Variants in CFAP92 observed in about 807,000 individuals in gnomAD.
CFAP92 encodes cilia and flagella associated protein 92 (putative), also known as uncharacterized protein CFAP92.
A neutral mutation model predicts 106.3 loss-of-function variants in CFAP92; 86 were observed. That is an observed-to-expected ratio of 0.81 (90% CI 0.68 to 0.97). The LOEUF (loss-of-function observed/expected upper bound fraction) is 0.97. Ranked by LOEUF, CFAP92 falls within the 50% of genes least tolerant of loss-of-function variation. CFAP92 has a pLI of 0.00. For missense variants in CFAP92, 1,204 were observed against 1,283.8 expected, an observed-to-expected ratio of 0.94 and a Z score of 0.95; for synonymous variants, 477 against 506.4, an observed-to-expected ratio of 0.94 and a Z score of 0.78.
intron 8 of CFAP92, chr3:128,969,181 C>T (rs1322886774): frequency 6.6e-6 from 1 of 152,016 alleles, no homozygotes; most frequent in African/African-American, 2.4e-5. Flanking sequence ...GCCCCCAAAA[C>T]ATTGCTCTTA....
intron 15 of CFAP92, among the ~76,000 whole-genome samples, chr3:128,913,942 G>T (rs1330661389): frequency 1.3e-5 from 2 of 152,084 alleles, no homozygotes; most frequent in Non-Finnish European, 2.9e-5. Flanking sequence ...TTCTGGAAGG[G>T]GGCTTCACTC....
At position 128,953,612 on chromosome 3, in the gene CFAP92, TCCCTCTCCCTCC is replaced by T. The variant is rs1941056511; in HGVS notation, c.1354-7649_1354-7638del. Among the ~76,000 whole-genome samples the T allele has an allele frequency of 3.6e-5, 2 of 55,034 alleles. 1 individual carries two copies. The highest frequency in any genetic ancestry group is 1.8e-3 in the South Asian group (2 of 1,104). The allele number at this position is 55,034 out of a possible 152,430, so 36.1% of individuals were successfully genotyped here. ...CTCCCTCTCCCTCCCCCTCTCCCTC[TCCCTCTCCCTCC>T]CTCTCCGTCTCCCTCTCCCCACGGT... On this transcript the variant is annotated intron_variant, in intron 9 of 15. Coordinates refer to ENST00000645291, the MANE Select transcript of CFAP92 (RefSeq NM_001394090.1).
In CFAP92 at chr3:128,988,865, T is replaced by G. The variant is rs1385374241; in HGVS notation, c.316A>C (p.Thr106Pro). The change falls in exon 3 of 16, where the codon ACA becomes CCA. Residue 106 changes from threonine (T) to proline (P), a missense_variant. Transcript: ENST00000645291. The stretch of plus-strand genomic sequence containing the variant: ...CGCATCTTTGTAACAGAACTGTCTG[T>G]TTTAGGGTGTTTCTTATATTTTTCA... Reference protein sequence around the residue: ...LIEKYKKHPKTDSSVTKMRRF... With the variant: ...LIEKYKKHPKPDSSVTKMRRF... 6.2e-7 allele frequency: 1 copy of G among 1,613,572 alleles called. No individual in the cohort carries two copies. The highest frequency in any genetic ancestry group is 1.7e-5 in the Admixed American group (1 of 59,986).
intron 4 of CFAP92, among the ~76,000 whole-genome samples, chr3:128,982,205 A>G (rs1258146831): frequency 1.3e-5 from 2 of 152,242 alleles, no homozygotes; most frequent in Admixed American, 1.3e-4. Flanking sequence ...TGCCTTCATC[A>G]GTGATCTTAG....
At chr3:128,912,451 G>A (rs1936439332) in intron 15 of CFAP92, 2 of 1,529,502 alleles carry the variant, frequency 1.3e-6, no homozygotes, top group Non-Finnish European at 1.8e-6. Flanking sequence ...CTTCAGCCAT[G>A]TTTGTCTTAT....
chr3:128,911,625 A>G (rs1197984319), intron 15 of CFAP92, among the ~76,000 whole-genome samples: 1 of 150,714 alleles, frequency 6.6e-6, no homozygotes, highest in Non-Finnish European at 1.5e-5. Flanking sequence ...TTTAGTAGAA[A>G]CAAACAGGGT....
chr3:129,001,837 G>GCGCCGGCCGTCTGCCCCGCGC, intron 1 of CFAP92: 1 of 1,545,728 alleles, frequency 6.5e-7, no homozygotes, highest in Non-Finnish European at 8.7e-7. Flanking sequence ...GACTGCCGCG[G>GCGCCGGCCGTCTGCCCCGCGC]CGCCGGCCGT....
At chr3:129,014,840 CGAGGGGCCAGTGAG>C in the CFAP92 span, among the ~76,000 whole-genome samples, 7 of 152,088 alleles carry the variant, frequency 4.6e-5, no homozygotes, top group African/African-American at 7.2e-5. This position sits in a 1 kb window ranked among gnomAD's most constrained non-coding sequence, Gnocchi z 4.3. Flanking sequence ...GCCTGGATGC[CGAGGGGCCAGTGAG>C]GAGGGGCCAG....
In CFAP92 at chr3:128,932,999, T is replaced by A. The variant is rs1362734848; in HGVS notation, c.2454-2A>T. On this transcript the variant is annotated splice_acceptor_variant, in intron 11 of 15. Transcript: ENST00000645291. LOFTEE classifies it high-confidence loss of function. ...CTGTTATAGCAGATGTCGTGGATCC[T>A]GGAACAAAGAACCACTGCCCCACTG... The A allele has an allele frequency of 3.3e-6, 5 of 1,536,064 alleles. No individual in the cohort carries two copies. Among genetic ancestry groups the A allele is most frequent in the Middle Eastern group, 1.7e-4 (1 of 5,988 alleles).
intron 7 of CFAP92, among the ~76,000 whole-genome samples, chr3:128,972,239 ATTTC>A (rs940961942): frequency 1.9e-4 from 28 of 151,074 alleles, no homozygotes; most frequent in Non-Finnish European, 1.0e-4. Flanking sequence ...TGGATGAAGG[ATTTC>A]TTTCTTTTTT....
chr3:128,928,257 AAAAT>A (rs916560621), intron 12 of CFAP92, among the ~76,000 whole-genome samples: 47 of 152,354 alleles, frequency 3.1e-4, no homozygotes, highest in Admixed American at 1.4e-3. Flanking sequence ...CGTCCCAAAA[AAAAT>A]AAATAAACAA....
At chr3:129,025,716 T>C in the CFAP92 span, among the ~76,000 whole-genome samples, 1 of 152,052 alleles carries the variant, frequency 6.6e-6, no homozygotes, top group Non-Finnish European at 1.5e-5. Flanking sequence ...GGAGAAGCAG[T>C]TGAATACTGG....
At chr3:128,911,035 ATG>A (rs375679286) in intron 15 of CFAP92, among the ~76,000 whole-genome samples, 3 of 151,968 alleles carry the variant, frequency 2.0e-5, no homozygotes, top group African/African-American at 7.3e-5. Flanking sequence ...GTATGTATAT[ATG>A]TGTGTGTGTG....
chr3:128,996,484 G>A (rs80229783), upstream of CFAP92, among the ~76,000 whole-genome samples: 5,976 of 152,196 alleles, frequency 0.039, 297 homozygotes, highest in African/African-American at 0.11. Flanking sequence ...GGGCATCACA[G>A]GATGAAGTGA....
chr3:129,010,872 C>G, the CFAP92 span, among the ~76,000 whole-genome samples: 4 of 152,308 alleles, frequency 2.6e-5, no homozygotes, highest in African/African-American at 9.6e-5. This position sits in a 1 kb window ranked among gnomAD's most constrained non-coding sequence, Gnocchi z 4.3. Flanking sequence ...GCCCCAGGCC[C>G]TCAGGATGCA....
intron 10 of CFAP92, among the ~76,000 whole-genome samples, chr3:128,942,021 C>A (rs891517257): frequency 1.2e-4 from 19 of 152,144 alleles, no homozygotes; most frequent in Non-Finnish European, 2.8e-4. Flanking sequence ...AATTCATATA[C>A]TATCTGCCCA....
At chr3:128,936,464 T>C (rs62265296) in intron 10 of CFAP92, among the ~76,000 whole-genome samples, 8,070 of 152,268 alleles carry the variant, frequency 0.053, 451 homozygotes, top group African/African-American at 0.14. Context: ...GTTGAGCACA[T>C]GCATTGGGTC....
intron 12 of CFAP92, among the ~76,000 whole-genome samples, chr3:128,918,323 A>G (rs1162380270): frequency 6.6e-6 from 1 of 152,130 alleles, no homozygotes; most frequent in Non-Finnish European, 1.5e-5. Flanking sequence ...AAATACAAAA[A>G]TTAGCTGGGC....
intron 11 of CFAP92, among the ~76,000 whole-genome samples, chr3:128,934,860 G>C (rs1938811460): frequency 6.6e-6 from 1 of 152,078 alleles, no homozygotes; most frequent in African/African-American, 2.4e-5. Flanking sequence ...ACAAATTTTT[G>C]TGGAGATGAG....
Sources: gnomAD v4.1 joint callset for allele counts (sites outside exome capture counted in the v4.1 genomes callset) on GRCh38, gnomAD v4.1.1 for gene constraint, Gnocchi (gnomAD v3.1) non-coding constraint, MANE v1.5 for transcripts, NCBI Gene and HGNC (gene_info 2026-07-23, HGNC 2026-07-21) for gene names.